The following CNOT2 variants were observed in gnomAD, a reference collection of about 807,000 sequenced individuals.
CNOT2 encodes the protein CC chemokine receptor 4-negative regulator of transcription 2.
In CNOT2, 7 loss-of-function variants were observed where a neutral mutation model predicts 72.1. The ratio of observed to expected loss-of-function variants is 0.10; its 90% CI spans 0.06 to 0.18. The LOEUF is 0.18. Among genes scored for constraint, CNOT2 ranks in the 10% least tolerant of loss-of-function variants. The probability of loss-of-function intolerance (pLI) is 1.00; values close to 1 mark genes in which losing one functional copy is unlikely to be tolerated. For synonymous variants in CNOT2, 196 were observed against 225.6 expected, an observed-to-expected ratio of 0.87 and a Z score of 1.17; for missense variants, 345 against 660.3, an observed-to-expected ratio of 0.52 and a Z score of 5.23.
At chr12:70,300,349 T>G (rs1683763272) in intron 2 of CNOT2, among the ~76,000 whole-genome samples, 1 of 152,226 alleles carries the variant, frequency 6.6e-6, no homozygotes, top group Admixed American at 6.5e-5. Context: ...TTTTATGGTT[T>G]TAGGTCTAAC....
chr12:70,328,245 A>G (rs1879387521), intron 4 of CNOT2, among the ~76,000 whole-genome samples: 1 of 151,946 alleles, frequency 6.6e-6, no homozygotes, highest in African/African-American at 2.4e-5. Flanking sequence ...TAAGATAACG[A>G]TCAGTGAGAT....
chr12:70,322,591 T>G (rs1375434046), intron 4 of CNOT2: 1 of 151,746 alleles, frequency 6.6e-6, no homozygotes, highest in Non-Finnish European at 1.5e-5. Context: ...TGTGTCTGAA[T>G]TCTCAGAGGA....
chr12:70,329,700 C>T (rs1879638659), intron 5 of CNOT2, 130 bp downstream of exon 5: 1 of 672,600 alleles, frequency 1.5e-6, no homozygotes, highest in Non-Finnish European at 2.6e-6. Flanking sequence ...AAGAAAATAC[C>T]TATGCTCTTT....
intron 5 of CNOT2, 62 bp from the exon 6 acceptor site, chr12:70,330,225 T>G (rs891478996): frequency 7.9e-6 from 6 of 755,732 alleles, no homozygotes; most frequent in Non-Finnish European, 1.3e-5. Context: ...ATTGATTATT[T>G]AAAGAGAATT....
At chr12:70,262,586 T>C (rs1677468922) in intron 1 of CNOT2, among the ~76,000 whole-genome samples, 1 of 152,252 alleles carries the variant, frequency 6.6e-6, no homozygotes, top group Non-Finnish European at 1.5e-5. Context: ...AATTACATAA[T>C]TATTTTTATC....
chr12:70,303,374 T>G (rs545944196), intron 2 of CNOT2, among the ~76,000 whole-genome samples: 1 of 152,352 alleles, frequency 6.6e-6, no homozygotes, highest in Non-Finnish European at 1.5e-5. Context: ...CTTTCCGTGT[T>G]TAGTGCTTCC....
chr12:70,350,702 T>TAA (rs1882757734), intron 15 of CNOT2, among the ~76,000 whole-genome samples: 1 of 152,200 alleles, frequency 6.6e-6, no homozygotes, highest in South Asian at 2.1e-4. Flanking sequence ...AAGGTATATA[T>TAA]AAAACATAAA....
chr12:70,293,161 C>CTT (rs201732291), intron 2 of CNOT2, among the ~76,000 whole-genome samples: 1,832 of 136,278 alleles, frequency 0.013, 20 homozygotes, highest in Non-Finnish European at 0.019. Context: ...GATTTCATAT[C>CTT]TTTTTTTTTT....
chr12:70,338,614 T>A, intron 10 of CNOT2, 51 bp downstream of exon 10: 1 of 1,596,794 alleles, frequency 6.3e-7, no homozygotes, highest in Non-Finnish European at 8.5e-7. Context: ...CTTTTTTTTC[T>A]ATTTTTTAAC....
intron 3 of CNOT2, 182 bp from the exon 4 acceptor site, chr12:70,319,116 C>T (rs76388686): frequency 5.9e-4 from 263 of 442,328 alleles, no homozygotes; most frequent in African/African-American, 5.0e-3. Flanking sequence ...TTGGTTTTAT[C>T]GAATTGTGAT....
chr12:70,289,568 G>A (rs1002229794), intron 2 of CNOT2, among the ~76,000 whole-genome samples: 3 of 151,830 alleles, frequency 2.0e-5, no homozygotes, highest in African/African-American at 7.3e-5. Context: ...CTCCAATTAC[G>A]CATATACCTA....
intron 1 of CNOT2, among the ~76,000 whole-genome samples, chr12:70,264,648 C>A (rs1377863535): frequency 1.3e-5 from 2 of 152,078 alleles, no homozygotes; most frequent in African/African-American, 4.8e-5. Flanking sequence ...ATAAGAAATT[C>A]TGTTGGCCTG....
In CNOT2 at chr12:70,354,593, T is replaced by C. The variant is rs77308165; in HGVS notation, c.*678T>C. The C allele has an allele frequency of 0.023, 3,440 of 152,736 alleles. 82 individuals are homozygous for C. The highest frequency in any genetic ancestry group is 0.047 in the Admixed American group (715 of 15,298). The allele number at this position is 152,736 out of a possible 1,614,324, so 9.5% of individuals were successfully genotyped here. ...GTCTTTGTTACGATTTTGTAATAAA[T>C]GTGTACATTTTTTTTAAATTTTTGG... On this transcript the variant is annotated 3_prime_UTR_variant, in exon 16 of 16. Coordinates refer to ENST00000229195, the MANE Select transcript of CNOT2 (RefSeq NM_014515.7).
chr12:70,338,517 A>G lies in CNOT2; in HGVS notation c.975A>G (p.Thr325=). 3.1e-6 allele frequency: 5 copies of G among 1,613,412 alleles called. No homozygotes were observed. The highest frequency in any genetic ancestry group is 4.2e-6 in the Non-Finnish European group (5 of 1,179,572). ...PKFPGDKSST[T]QNNNQQKKGI... Reference sequence around the variant, plus strand: ...TCCCTGGAGATAAAAGTTCAACAACACAAAATAATAACCAGCAGAAAAAAG... The same window carrying G: ...TCCCTGGAGATAAAAGTTCAACAACGCAAAATAATAACCAGCAGAAAAAAG... Residue 325 remains threonine (T), a synonymous_variant, in exon 10 of 16, where the codon ACA becomes ACG. Coordinates refer to ENST00000229195, the MANE Select transcript of CNOT2 (RefSeq NM_014515.7).
intron 1 of CNOT2, among the ~76,000 whole-genome samples, chr12:70,244,532 T>TA (rs1398098157): frequency 2.0e-5 from 3 of 152,174 alleles, no homozygotes; most frequent in African/African-American, 7.2e-5. Context: ...GTAGGTACGG[T>TA]ATTACTACCA....
chr12:70,274,679 A>G (rs986519702), intron 1 of CNOT2, among the ~76,000 whole-genome samples: 3 of 152,116 alleles, frequency 2.0e-5, no homozygotes, highest in Admixed American at 6.5e-5. Context: ...ATTTTATTTT[A>G]TAGCTTAGGA....
At chr12:70,338,893 A>C in intron 11 of CNOT2, 71 bp downstream of exon 11, 1 of 1,276,052 alleles carries the variant, frequency 7.8e-7, no homozygotes, top group Non-Finnish European at 1.1e-6. Flanking sequence ...ATATCATGTC[A>C]TCAAATTATC....
At chr12:70,291,945 A>G (rs113266874) in intron 2 of CNOT2, among the ~76,000 whole-genome samples, 2,428 of 152,294 alleles carry the variant, frequency 0.016, 64 homozygotes, top group African/African-American at 0.054. Context: ...TCAAAAAAAC[A>G]AAACAAAACA....
At chr12:70,315,896 T>TA (rs1237116635) in intron 3 of CNOT2, among the ~76,000 whole-genome samples, 2 of 152,106 alleles carry the variant, frequency 1.3e-5, no homozygotes, top group African/African-American at 4.8e-5. Context: ...GGCAAAAAGT[T>TA]ATATAAATTA....
Sources: allele counts gnomAD v4.1 joint callset (sites outside exome capture counted in the v4.1 genomes callset), GRCh38; gene constraint gnomAD v4.1.1; transcripts MANE v1.5; gene names NCBI Gene and HGNC (gene_info 2026-07-23, HGNC 2026-07-21).